MTMR2: variants seen among roughly 807,000 people sequenced by gnomAD.
MTMR2 encodes myotubularin related protein 2, also known as phosphatidylinositol-3,5-bisphosphate 3-phosphatase MTMR2.
A neutral mutation model predicts 86.9 loss-of-function variants in MTMR2; 55 were observed. The ratio of observed to expected loss-of-function variants is 0.63; its 90% confidence interval spans 0.51 to 0.79. The LOEUF (loss-of-function observed/expected upper bound fraction) is 0.79, where lower values mean the gene tolerates loss of function less well. Ranked by LOEUF, MTMR2 falls within the 30% of genes least tolerant of loss-of-function variation. MTMR2 has a pLI of 0.00. For missense variants in MTMR2, 659 were observed against 772.3 expected (o/e 0.85, Z 1.74); for synonymous variants, 241 against 266.8 (o/e 0.90, Z 0.94).
At chr11:95,870,011 A>G (rs1262700252) in intron 2 of MTMR2, among the ~76,000 whole-genome samples, 1 of 152,188 alleles carries the variant, frequency 6.6e-6, no homozygotes, top group Non-Finnish European at 1.5e-5. Flanking sequence ...CATAGAATGT[A>G]CACTTAAGAT....
At chr11:95,898,306 C>A (rs1254935) in intron 1 of MTMR2, among the ~76,000 whole-genome samples, 85,941 of 151,170 alleles carry the variant, frequency 0.57, 26,335 homozygotes, top group African/African-American at 0.8. Context: ...TGATTCTATA[C>A]ATGATCATCT....
chr11:95,863,954 A>T (rs1407735945), intron 3 of MTMR2, among the ~76,000 whole-genome samples: 1 of 152,212 alleles, frequency 6.6e-6, no homozygotes, highest in Admixed American at 6.5e-5. Context: ...TTAAGAGTCC[A>T]GAAAAGAAAA....
intron 7 of MTMR2, among the ~76,000 whole-genome samples, chr11:95,853,859 T>C (rs1864112829): frequency 6.6e-6 from 1 of 152,124 alleles, no homozygotes; most frequent in African/African-American, 2.4e-5. Flanking sequence ...TCTGAAGTTT[T>C]CTTAGAAAAC....
chr11:95,904,057 G>A (rs1866168816), intron 1 of MTMR2, among the ~76,000 whole-genome samples: 1 of 152,094 alleles, frequency 6.6e-6, no homozygotes, highest in South Asian at 2.1e-4. Flanking sequence ...GGAGGTTGCA[G>A]TGGGCCAAGA....
intron 13 of MTMR2, among the ~76,000 whole-genome samples, chr11:95,837,623 G>A (rs1437885488): frequency 6.6e-6 from 1 of 151,916 alleles, no homozygotes; most frequent in African/African-American, 2.4e-5. Context: ...TATCTTTTCC[G>A]TATTTGAATT....
At position 95,924,010 on chromosome 11, in the gene MTMR2, G is replaced by T; in HGVS notation, c.-56C>A. 3.2e-6 allele frequency: 5 copies of T among 1,546,250 alleles called. No homozygotes were observed. The highest frequency in any genetic ancestry group is 4.4e-6 in the Non-Finnish European group (5 of 1,143,498). Reference sequence around the variant, plus strand: ...GAAGCAGTCTTCGCGGCTACAGGGCGGGAGAAGCGGAGGGCGGAGTGCTAC... The same window carrying T: ...GAAGCAGTCTTCGCGGCTACAGGGCTGGAGAAGCGGAGGGCGGAGTGCTAC... On this transcript the variant is annotated 5_prime_UTR_variant, in exon 1 of 15. Coordinates refer to ENST00000346299, the MANE Select transcript of MTMR2 (RefSeq NM_016156.6).
chr11:95,836,378 T>A, intron 13 of MTMR2, 54 bp from the exon 14 acceptor site: 1 of 1,505,414 alleles, frequency 6.6e-7, no homozygotes, highest in Non-Finnish European at 9.2e-7. Context: ...CATTTACACT[T>A]TAGATGAAAT....
chr11:95,835,578 A>T, intron 14 of MTMR2, 127 bp from the exon 15 acceptor site: 1 of 923,574 alleles, frequency 1.1e-6, no homozygotes, highest in East Asian at 2.5e-5. Flanking sequence ...CCAACCCATC[A>T]GTGAAATTAA....
chr11:95,837,611 A>G (rs1008753922), intron 13 of MTMR2, among the ~76,000 whole-genome samples: 1 of 152,038 alleles, frequency 6.6e-6, no homozygotes, highest in African/African-American at 2.4e-5. Context: ...CTTTCTACAT[A>G]CTATCTTTTC....
At position 95,833,892 on chromosome 11, in the gene MTMR2, A is replaced by AG. The variant is rs769604436; in HGVS notation, c.*1397dup. ...GAAACTTCCTCACTGCAAGACCAAG[A>AG]GGGAGGCTAAGGTTCAGACTCTCTG... On this transcript the variant is annotated 3_prime_UTR_variant, in exon 15 of 15. Transcript: ENST00000346299. 6.6e-6 allele frequency: 1 copy of AG among 151,874 alleles called. No homozygotes were observed. The highest frequency in any genetic ancestry group is 1.5e-5 in the Non-Finnish European group (1 of 67,884). 9.4% of individuals were successfully genotyped at this position (151,874 alleles called of 1,614,324 possible).
At chr11:95,881,832 G>T (rs1323608664) in intron 2 of MTMR2, among the ~76,000 whole-genome samples, 1 of 151,668 alleles carries the variant, frequency 6.6e-6, no homozygotes, top group African/African-American at 2.4e-5. Flanking sequence ...TATTTTACTG[G>T]CTAGGGTTTC....
At chr11:95,848,013 C>T (rs1863868387) in intron 9 of MTMR2, 114 bp from the exon 10 acceptor site, 2 of 1,041,198 alleles carry the variant, frequency 1.9e-6, no homozygotes, top group Admixed American at 4.0e-5. Context: ...ACAAGGAAAA[C>T]TCCACAGGAA....
At chr11:95,862,847 T>TGTTTGTG (rs1864475976) in intron 3 of MTMR2, among the ~76,000 whole-genome samples, 2 of 152,324 alleles carry the variant, frequency 1.3e-5, no homozygotes, top group South Asian at 4.1e-4. Flanking sequence ...ACTCCTGATC[T>TGTTTGTG]GATTAATACT....
intron 13 of MTMR2, 138 bp from the exon 14 acceptor site, chr11:95,836,462 A>C (rs961108221): frequency 9.1e-5 from 70 of 766,184 alleles, no homozygotes; most frequent in Admixed American, 1.4e-4. Context: ...TGATAAACCA[A>C]CTTATATTAA....
chr11:95,853,124 T>G (rs1337655087), intron 7 of MTMR2, among the ~76,000 whole-genome samples: 1 of 149,434 alleles, frequency 6.7e-6, no homozygotes, highest in African/African-American at 2.4e-5. Flanking sequence ...TTTATATATG[T>G]ATATATCATA....
intron 1 of MTMR2, among the ~76,000 whole-genome samples, chr11:95,909,418 A>G (rs1866415102): frequency 6.6e-6 from 1 of 152,178 alleles, no homozygotes; most frequent in South Asian, 2.1e-4. Context: ...TTCTGACTCA[A>G]ACTCTGGACT....
chr11:95,872,537 T>C (rs1319226434), intron 2 of MTMR2, among the ~76,000 whole-genome samples: 1 of 152,200 alleles, frequency 6.6e-6, no homozygotes, highest in African/African-American at 2.4e-5. Context: ...GTTTTCTAGA[T>C]ATACAATCAT....
At chr11:95,867,589 A>G (rs375069698) in intron 2 of MTMR2, among the ~76,000 whole-genome samples, 5 of 152,344 alleles carry the variant, frequency 3.3e-5, no homozygotes, top group African/African-American at 1.2e-4. Context: ...ATCTTTGTCC[A>G]GCAGAGCTGC....
chr11:95,853,627 T>G (rs112403605), intron 7 of MTMR2, among the ~76,000 whole-genome samples: 5,330 of 152,226 alleles, frequency 0.035, 147 homozygotes, highest in South Asian at 0.09. Flanking sequence ...GTTCTCTCCC[T>G]ACAGTACTTG....
Sources: allele counts gnomAD v4.1 joint callset (sites outside exome capture counted in the v4.1 genomes callset), GRCh38; gene constraint gnomAD v4.1.1; transcripts MANE v1.5; gene names NCBI Gene and HGNC (gene_info 2026-07-23, HGNC 2026-07-21).